The following APPBP2 variants were observed in gnomAD, a reference collection of about 807,000 sequenced individuals.
APPBP2 encodes the protein amyloid beta precursor protein binding protein 2.
Under a neutral mutation model 76.0 loss-of-function variants are expected in APPBP2, and 15 were observed. That is an observed-to-expected ratio of 0.20 (90% CI 0.13 to 0.30). APPBP2 has a LOEUF of 0.30. Among genes scored for constraint, APPBP2 ranks in the 10% least tolerant of loss-of-function variants. The pLI, the probability that APPBP2 is intolerant of heterozygous loss-of-function variation, is 1.00. For missense variants in APPBP2, 401 were observed against 687.2 expected (o/e 0.58, Z 4.66); for synonymous variants, 222 against 242.2 (o/e 0.92, Z 0.77).
intron 4 of APPBP2, among the ~76,000 whole-genome samples, chr17:60,473,703 A>G (rs1251560530): frequency 6.6e-6 from 1 of 152,190 alleles, no homozygotes; most frequent in Non-Finnish European, 1.5e-5. Flanking sequence ...CCTTATACCA[A>G]TATATTTAAA....
chr17:60,518,569 G>A (rs905126474), intron 1 of APPBP2, among the ~76,000 whole-genome samples: 5 of 151,982 alleles, frequency 3.3e-5, no homozygotes, highest in Non-Finnish European at 7.4e-5. Flanking sequence ...GGCTGAGAGT[G>A]CAGTGTCATG....
rs192063705 is a variant in APPBP2, at chr17:60,500,642, A to G, written c.139-155T>C. 2.4e-3 allele frequency among the ~76,000 whole-genome samples: 366 copies of G among 152,338 alleles called. 2 individuals carry two copies. The highest frequency in any genetic ancestry group is 8.7e-3 in the African/African-American group (360 of 41,564). ...AAATTTCTACAATTCATATAAAAATATTTTAATAGTTGCATATAATCGTTA... is the reference window on the plus strand; with the variant it reads ...AAATTTCTACAATTCATATAAAAATGTTTTAATAGTTGCATATAATCGTTA... On this transcript the variant is annotated intron_variant, in intron 1 of 12. Coordinates refer to ENST00000083182, the MANE Select transcript of APPBP2 (RefSeq NM_006380.5).
intron 1 of APPBP2, among the ~76,000 whole-genome samples, chr17:60,510,694 A>C (rs75017206): frequency 0.082 from 12,500 of 152,208 alleles, 1,699 homozygotes; most frequent in African/African-American, 0.28. Context: ...AGAGCCTGGG[A>C]GACAAAGTGA....
chr17:60,445,373 G>A lies in APPBP2; in HGVS notation c.*2208C>T, dbSNP rs1286206157. ...GAGTTCAAATGGAGTTAGGGAGGAT[G>A]AGGCTGTAAGTCATTTGTTTATTTT... is the stretch of plus-strand genomic sequence containing the variant. On this transcript the variant is annotated 3_prime_UTR_variant, in exon 13 of 13. Transcript: ENST00000083182. The A allele has an allele frequency of 1.3e-5, 2 of 152,552 alleles. No homozygotes were observed. Among genetic ancestry groups the A allele is most frequent in the African/African-American group, 2.4e-5 (1 of 41,410 alleles). 9.4% of individuals were successfully genotyped at this position (152,552 alleles called of 1,614,324 possible). A position where few individuals can be genotyped will look rare whatever the true frequency, so the allele number is the denominator to read the frequency against.
intron 1 of APPBP2, among the ~76,000 whole-genome samples, chr17:60,525,347 T>A (rs1176840798): frequency 6.6e-6 from 1 of 151,090 alleles, no homozygotes; most frequent in Non-Finnish European, 1.5e-5. Context: ...ACCAAAACAC[T>A]CGGGGAAGGA....
intron 1 of APPBP2, among the ~76,000 whole-genome samples, chr17:60,519,153 G>A (rs528718602): frequency 2.0e-5 from 3 of 151,646 alleles, no homozygotes; most frequent in South Asian, 2.1e-4. Flanking sequence ...GGTAAAGACA[G>A]TGTCTCCCTA....
At chr17:60,451,646 T>C (rs1311628882) in intron 12 of APPBP2, among the ~76,000 whole-genome samples, 2 of 151,928 alleles carry the variant, frequency 1.3e-5, no homozygotes, top group Non-Finnish European at 2.9e-5. Flanking sequence ...GCTAATTTGT[T>C]TTTGTATTTT....
chr17:60,460,811 G>A, intron 8 of APPBP2, 24 bp from the exon 9 acceptor site: 1 of 1,607,048 alleles, frequency 6.2e-7, no homozygotes, highest in South Asian at 1.1e-5. Flanking sequence ...AAAAATATTT[G>A]TCAATACTGT....
chr17:60,519,701 T>C (rs1160102797), intron 1 of APPBP2, among the ~76,000 whole-genome samples: 1 of 151,954 alleles, frequency 6.6e-6, no homozygotes, highest in African/African-American at 2.4e-5. Flanking sequence ...AAAGAAGAAA[T>C]TTTGGTCATT....
At chr17:60,514,126 G>A (rs1285939002) in intron 1 of APPBP2, among the ~76,000 whole-genome samples, 2 of 151,738 alleles carry the variant, frequency 1.3e-5, no homozygotes, top group African/African-American at 4.8e-5. Context: ...GAACAATGCG[G>A]CAAAATCTCA....
At chr17:60,457,703 TACAGGCGTGGGCC>T (rs1260741398) in intron 9 of APPBP2, among the ~76,000 whole-genome samples, 2 of 152,200 alleles carry the variant, frequency 1.3e-5, no homozygotes, top group Admixed American at 1.3e-4. Context: ...GTGCTGGGAG[TACAGGCGTGGGCC>T]ACCACGCCTG....
At chr17:60,496,574 TC>T (rs1380435011) in intron 2 of APPBP2, 1 of 152,184 alleles carries the variant, frequency 6.6e-6, no homozygotes, top group African/African-American at 2.4e-5. Flanking sequence ...TTTCTAGTCT[TC>T]TTTTACCAAA....
chr17:60,500,899 TG>T (rs1244271328), intron 1 of APPBP2, among the ~76,000 whole-genome samples: 1 of 152,198 alleles, frequency 6.6e-6, no homozygotes, highest in African/African-American at 2.4e-5. Context: ...AGTTCAGTCC[TG>T]GTTATAACAC....
intron 2 of APPBP2, among the ~76,000 whole-genome samples, chr17:60,495,373 T>C (rs1245051934): frequency 6.6e-6 from 1 of 151,956 alleles, no homozygotes; most frequent in Non-Finnish European, 1.5e-5. Context: ...ATTAGGGAAA[T>C]GCAAACCAAA....
chr17:60,480,902 G>A (rs2090623558), intron 3 of APPBP2, among the ~76,000 whole-genome samples: 1 of 152,148 alleles, frequency 6.6e-6, no homozygotes, highest in Admixed American at 6.5e-5. Flanking sequence ...TGAGGTTCCT[G>A]CTGACAAAAA....
chr17:60,456,152 G>T (rs753688996), intron 10 of APPBP2, 144 bp downstream of exon 10: 7 of 596,864 alleles, frequency 1.2e-5, no homozygotes, highest in Non-Finnish European at 2.1e-5. Flanking sequence ...TAGAGTTGTG[G>T]TAAAATGGCT....
At chr17:60,457,372 T>C (rs1408971028) in intron 9 of APPBP2, among the ~76,000 whole-genome samples, 1 of 152,186 alleles carries the variant, frequency 6.6e-6, no homozygotes, top group Non-Finnish European at 1.5e-5. Flanking sequence ...TTCTCTCTTT[T>C]GTTGTAACTA....
At chr17:60,468,127 T>C (rs1598352408) in intron 4 of APPBP2, among the ~76,000 whole-genome samples, 1 of 152,234 alleles carries the variant, frequency 6.6e-6, no homozygotes, top group South Asian at 2.1e-4. Context: ...GTATTAGAAA[T>C]GTGCCTAGTG....
rs1003539807 is a variant in APPBP2 at position 60,525,897 on chromosome 17, G to C, written c.35C>G (p.Thr12Ser). Residue 12 changes from threonine to serine, a missense_variant, in exon 1 of 13, where the codon ACT (threonine) becomes AGT (serine). This residue lies in a region of APPBP2 where 149 missense variants were observed against 198.4 expected (regional missense o/e 0.75). Transcript: ENST00000083182. Reference sequence around the variant, plus strand: ...AGCGGAGATGGCGGTGTTATAGAGAGTCTCTGGGATCCACTCTAGTTCCAC... The same window carrying C: ...AGCGGAGATGGCGGTGTTATAGAGACTCTCTGGGATCCACTCTAGTTCCAC... Reference protein sequence around the residue: ...AAVELEWIPETLYNTAISAVV... With the variant: ...AAVELEWIPESLYNTAISAVV... The C allele has an allele frequency of 2.5e-6, 4 of 1,614,050 alleles. No homozygotes were observed. The highest frequency in any genetic ancestry group is 3.4e-6 in the Non-Finnish European group (4 of 1,180,000).
Sources: allele counts gnomAD v4.1 joint callset (sites outside exome capture counted in the v4.1 genomes callset), GRCh38; gene constraint gnomAD v4.1.1; regional missense constraint gnomAD v4.1.1; transcripts MANE v1.5; gene names NCBI Gene and HGNC (gene_info 2026-07-23, HGNC 2026-07-21).